LINC00237: variants seen among roughly 807,000 people sequenced by gnomAD.
LINC00237 encodes the protein long intergenic non-protein coding RNA 237.
intron 3 of LINC00237, among the ~76,000 whole-genome samples, chr20:21,085,916 T>G (rs890812936): frequency 7.2e-5 from 11 of 152,220 alleles, no homozygotes; most frequent in Non-Finnish European, 1.6e-4. Context: ...GACTTTATTA[T>G]TCACAGGAAT....
intron 2 of LINC00237, chr20:21,089,640 T>C (rs2030766129): frequency 6.6e-6 from 1 of 152,156 alleles, no homozygotes; most frequent in Non-Finnish European, 1.5e-5. Context: ...CAAAAGCCTA[T>C]GTTTGGGTTA....
At chr20:21,103,144 G>A (rs1403890709) in intron 1 of LINC00237, among the ~76,000 whole-genome samples, 5 of 152,400 alleles carry the variant, frequency 3.3e-5, no homozygotes, top group Middle Eastern at 3.4e-3. Flanking sequence ...CAAACCGGAG[G>A]CGCTGTCCAA....
intron 1 of LINC00237, among the ~76,000 whole-genome samples, chr20:21,104,045 C>T (rs2030966935): frequency 6.6e-6 from 1 of 151,176 alleles, no homozygotes; most frequent in Non-Finnish European, 1.5e-5. Flanking sequence ...CTTCCAAGGA[C>T]TCACTTCTGT....
At chr20:21,099,583 C>T (rs565457503) in intron 1 of LINC00237, among the ~76,000 whole-genome samples, 2 of 152,324 alleles carry the variant, frequency 1.3e-5, no homozygotes, top group African/African-American at 4.8e-5. Flanking sequence ...CACCCAGCCC[C>T]ACTCCCCAAC....
At chr20:21,086,597 G>GTA (rs560962784) in intron 3 of LINC00237, among the ~76,000 whole-genome samples, 1 of 67,348 alleles carries the variant, frequency 1.5e-5, no homozygotes, top group South Asian at 4.7e-4. Context: ...GTATACACTA[G>GTA]TATATATATG....
chr20:21,085,905 G>A (rs1433557691), intron 3 of LINC00237, among the ~76,000 whole-genome samples: 2 of 152,174 alleles, frequency 1.3e-5, no homozygotes, highest in Non-Finnish European at 2.9e-5. Flanking sequence ...CAGAGACAAA[G>A]GACTTTATTA....
In LINC00237 at chr20:21,086,670, T is replaced by C. The variant is rs995541031; in HGVS notation, n.560-782A>G. The stretch of plus-strand genomic sequence containing the variant: ...TATACTATATATGTATAGTATACTA[T>C]ATATAGTATACTACATATACATATG... On this transcript the variant is annotated intron_variant and non_coding_transcript_variant, in intron 3 of 3. Coordinates refer to ENST00000691244, the Ensembl canonical transcript of LINC00237. 1.9e-4 allele frequency among the ~76,000 whole-genome samples: 13 copies of C among 68,014 alleles called. 1 individual carries two copies. Among genetic ancestry groups the C allele is most frequent in the Non-Finnish European group, 2.4e-4 (8 of 33,262 alleles). The allele number at this position is 68,014 out of a possible 152,430, so 44.6% of individuals were successfully genotyped here.
chr20:21,085,785 GTA>G (rs2030684099), exon 4 of LINC00237, among the ~76,000 whole-genome samples: 1 of 152,084 alleles, frequency 6.6e-6, no homozygotes, highest in Non-Finnish European at 1.5e-5. Flanking sequence ...TACACTTATT[GTA>G]TGTGTACTTT....
intron 3 of LINC00237, among the ~76,000 whole-genome samples, chr20:21,086,446 C>A (rs913395965): frequency 6.6e-6 from 1 of 150,398 alleles, no homozygotes; most frequent in Non-Finnish European, 1.5e-5. Flanking sequence ...ATTAGCTATA[C>A]AATCACAAGT....
intron 1 of LINC00237, among the ~76,000 whole-genome samples, chr20:21,097,989 C>A (rs1268581012): frequency 3.3e-5 from 5 of 152,158 alleles, no homozygotes; most frequent in Admixed American, 3.3e-4. Context: ...TCCCTGCCTT[C>A]TTGTTTAGTA....
At chr20:21,102,441 A>G (rs1330485569) in intron 1 of LINC00237, among the ~76,000 whole-genome samples, 1 of 152,154 alleles carries the variant, frequency 6.6e-6, no homozygotes, top group Admixed American at 6.5e-5. Context: ...CTGTCCCCAA[A>G]GTCTCAGACT....
chr20:21,086,625 A>ATATAGTATACTATATATG (rs1555861036), intron 3 of LINC00237, among the ~76,000 whole-genome samples: 1 of 21,692 alleles, frequency 4.6e-5, no homozygotes, highest in African/African-American at 1.8e-4. Context: ...AGTATACTAT[A>ATATAGTATACTATATATG]TATAGTATAC....
intron 1 of LINC00237, among the ~76,000 whole-genome samples, chr20:21,097,911 TA>T (rs983230358): frequency 5.9e-5 from 9 of 151,898 alleles, no homozygotes; most frequent in Admixed American, 5.2e-4. Flanking sequence ...CTCATTAGTT[TA>T]AAAAAAAATT....
At chr20:21,095,728 T>A (rs562792461) in intron 1 of LINC00237, among the ~76,000 whole-genome samples, 5 of 152,340 alleles carry the variant, frequency 3.3e-5, no homozygotes, top group Admixed American at 2.6e-4. Flanking sequence ...ATGCTGTCAG[T>A]GTTGATAGCT....
intron 2 of LINC00237, chr20:21,092,972 T>C (rs1415108888): frequency 6.6e-6 from 1 of 152,160 alleles, no homozygotes; most frequent in Non-Finnish European, 1.5e-5. Flanking sequence ...CTTGCACATC[T>C]AATAGGGTTT....
intron 1 of LINC00237, among the ~76,000 whole-genome samples, chr20:21,098,038 A>G (rs2030883215): frequency 6.6e-6 from 1 of 152,208 alleles, no homozygotes; most frequent in Non-Finnish European, 1.5e-5. Flanking sequence ...AAAATAGTCA[A>G]ACAAATGTAA....
chr20:21,089,200 G>C (rs2030756898), intron 2 of LINC00237, among the ~76,000 whole-genome samples: 1 of 150,632 alleles, frequency 6.6e-6, no homozygotes, highest in Non-Finnish European at 1.5e-5. Flanking sequence ...CCACAAGTAT[G>C]CTATTAGAAA....
chr20:21,104,726 AT>A (rs1436204044), intron 1 of LINC00237, among the ~76,000 whole-genome samples: 1 of 152,162 alleles, frequency 6.6e-6, no homozygotes, highest in East Asian at 1.9e-4. Flanking sequence ...AATTTGGGGC[AT>A]TTCAGGCTGA....
At chr20:21,103,661 A>T (rs996794581) in intron 1 of LINC00237, among the ~76,000 whole-genome samples, 5 of 152,214 alleles carry the variant, frequency 3.3e-5, no homozygotes, top group African/African-American at 4.8e-5. Context: ...GTTTCCCATT[A>T]TACCCGATCT....
Sources: gnomAD v4.1 joint callset for allele counts (sites outside exome capture counted in the v4.1 genomes callset) on GRCh38, gnomAD v4.1.1 for gene constraint, MANE v1.5 for transcripts, NCBI Gene and HGNC (gene_info 2026-07-23, HGNC 2026-07-21) for gene names.